Variants in TBC1D5 observed in about 807,000 individuals in gnomAD.
TBC1D5 encodes TBC1 domain family, member 5.
In TBC1D5, 75 loss-of-function variants were observed where a neutral mutation model predicts 100.3. The observed-to-expected ratio is 0.75, with a 90% CI of 0.62 to 0.91. TBC1D5 has a LOEUF of 0.91. Ranked by LOEUF, TBC1D5 falls within the 40% of genes least tolerant of loss-of-function variation. The pLI, the probability that TBC1D5 is intolerant of heterozygous loss-of-function variation, is 0.00. For missense variants in TBC1D5, 910 were observed against 942.4 expected, an observed-to-expected ratio of 0.97 and a Z score of 0.45; for synonymous variants, 323 against 325.6, an observed-to-expected ratio of 0.99 and a Z score of 0.09.
intron 3 of TBC1D5, among the ~76,000 whole-genome samples, chr3:17,468,864 C>T (rs1447420255): frequency 1.3e-5 from 2 of 152,188 alleles, no homozygotes; most frequent in Admixed American, 6.5e-5. Flanking sequence ...TGGGCACTAA[C>T]TAATCCCATA....
intron 2 of TBC1D5, among the ~76,000 whole-genome samples, chr3:17,522,425 A>T (rs113195211): frequency 1.3e-5 from 2 of 152,184 alleles, no homozygotes; most frequent in African/African-American, 4.8e-5. Context: ...AGAAGGTGAA[A>T]AAAAGGATAC....
exon 9 of TBC1D5, chr3:17,384,012 A>G: frequency 6.3e-7 from 1 of 1,596,182 alleles, no homozygotes; most frequent in Non-Finnish European, 8.6e-7. Context: ...GCATTTCAGG[A>G]AACCTGGAAA....
At chr3:17,600,037 T>C (rs575464708) in intron 2 of TBC1D5, among the ~76,000 whole-genome samples, 1 of 152,336 alleles carries the variant, frequency 6.6e-6, no homozygotes, top group Non-Finnish European at 1.5e-5. Flanking sequence ...GGTAAATAAT[T>C]TGAATTCTCT....
intron 2 of TBC1D5, among the ~76,000 whole-genome samples, chr3:17,612,106 C>G (rs2153621769): frequency 6.6e-6 from 1 of 151,872 alleles, no homozygotes; most frequent in East Asian, 1.9e-4. Context: ...AGGAGACCAG[C>G]CTGGGTAACA....
intron 2 of TBC1D5, among the ~76,000 whole-genome samples, chr3:17,572,613 A>C (rs192712913): frequency 6.6e-6 from 1 of 152,086 alleles, no homozygotes; most frequent in Non-Finnish European, 1.5e-5. Flanking sequence ...TCCCATTTAT[A>C]TATCAACTAC....
At chr3:17,291,002 A>G (rs2081668746) in intron 15 of TBC1D5, among the ~76,000 whole-genome samples, 1 of 152,248 alleles carries the variant, frequency 6.6e-6, no homozygotes, top group South Asian at 2.1e-4. Flanking sequence ...CTAAATTTAC[A>G]TTAAACTTGG....
At chr3:17,172,855 C>T (rs897142182) in intron 19 of TBC1D5, among the ~76,000 whole-genome samples, 3 of 152,100 alleles carry the variant, frequency 2.0e-5, no homozygotes, top group African/African-American at 7.2e-5. Context: ...GTAACATAAG[C>T]CTTATTTGGT....
At chr3:17,730,612 C>T (rs1025370813) in intron 1 of TBC1D5, among the ~76,000 whole-genome samples, 4 of 152,088 alleles carry the variant, frequency 2.6e-5, no homozygotes, top group African/African-American at 7.2e-5. Flanking sequence ...CCAGATGAAA[C>T]GAAGATAAAC....
At chr3:17,314,291 T>C (rs1331293705) in intron 13 of TBC1D5, among the ~76,000 whole-genome samples, 3 of 152,180 alleles carry the variant, frequency 2.0e-5, no homozygotes, top group Non-Finnish European at 4.4e-5. Context: ...TTAGCTCTTC[T>C]TGACCACAGA....
At chr3:17,635,770 G>A (rs1194181380) in intron 1 of TBC1D5, among the ~76,000 whole-genome samples, 1 of 152,210 alleles carries the variant, frequency 6.6e-6, no homozygotes, top group Non-Finnish European at 1.5e-5. Context: ...TGTTCTAACT[G>A]TGATGAGTTT....
chr3:17,162,942 C>T (rs1265934879), intron 21 of TBC1D5, among the ~76,000 whole-genome samples: 3 of 152,176 alleles, frequency 2.0e-5, no homozygotes, highest in Non-Finnish European at 4.4e-5. Flanking sequence ...CAACACAGGG[C>T]TGGAATGCTA....
At chr3:17,432,792 A>G (rs1445287499) in intron 3 of TBC1D5, among the ~76,000 whole-genome samples, 1 of 152,182 alleles carries the variant, frequency 6.6e-6, no homozygotes, top group African/African-American at 2.4e-5. Flanking sequence ...TTCCTATTAA[A>G]CCTTTCATAG....
At chr3:17,553,144 A>AAG (rs2096487722) in intron 2 of TBC1D5, among the ~76,000 whole-genome samples, 1 of 152,148 alleles carries the variant, frequency 6.6e-6, no homozygotes, top group Non-Finnish European at 1.5e-5. Flanking sequence ...ATGGGTAAGA[A>AAG]AGAGAGGGAA....
chr3:17,251,194 T>C (rs555963089), intron 16 of TBC1D5, among the ~76,000 whole-genome samples: 1 of 152,264 alleles, frequency 6.6e-6, no homozygotes, highest in South Asian at 2.1e-4. Flanking sequence ...CATGGTCCAC[T>C]CTTTTATCTG....
chr3:17,218,030 T>C (rs966919813), intron 17 of TBC1D5, among the ~76,000 whole-genome samples: 5 of 152,084 alleles, frequency 3.3e-5, no homozygotes, highest in Non-Finnish European at 5.9e-5. Context: ...AATTTTTGTA[T>C]ACAGCGTGAA....
At chr3:17,451,640 G>A (rs1362972531) in intron 3 of TBC1D5, among the ~76,000 whole-genome samples, 1 of 152,182 alleles carries the variant, frequency 6.6e-6, no homozygotes, top group East Asian at 1.9e-4. Context: ...GAGGGGAAGG[G>A]GAGGGATAGC....
At chr3:17,416,209 C>A (rs2094065403) in intron 4 of TBC1D5, among the ~76,000 whole-genome samples, 1 of 152,080 alleles carries the variant, frequency 6.6e-6, no homozygotes, top group Non-Finnish European at 1.5e-5. Context: ...ACTTTACAAC[C>A]TCTAGATGAG....
intron 17 of TBC1D5, among the ~76,000 whole-genome samples, chr3:17,221,975 A>G (rs1287886039): frequency 6.6e-6 from 1 of 152,156 alleles, no homozygotes; most frequent in African/African-American, 2.4e-5. Context: ...CAGTTCTTTC[A>G]TAATTCTTAT....
At chr3:17,345,970 A>G (rs1277264927) in intron 13 of TBC1D5, among the ~76,000 whole-genome samples, 3 of 152,016 alleles carry the variant, frequency 2.0e-5, no homozygotes, top group Non-Finnish European at 4.4e-5. Flanking sequence ...CCTAATGCTA[A>G]ATGACGAGTT....
Sources: allele counts gnomAD v4.1 joint callset (sites outside exome capture counted in the v4.1 genomes callset), GRCh38; gene constraint gnomAD v4.1.1; transcripts MANE v1.5; gene names NCBI Gene and HGNC (gene_info 2026-07-23, HGNC 2026-07-21).